The following CNTN5 variants were observed in gnomAD, a reference collection of about 807,000 sequenced individuals.
The protein encoded by CNTN5 is contactin-5.
CNTN5 carries 77 observed loss-of-function variants against 129.1 expected under a neutral mutation model. That is an observed-to-expected ratio of 0.60 (90% CI 0.50 to 0.72). The LOEUF is 0.72. Ranked by LOEUF, CNTN5 falls within the 30% of genes least tolerant of loss-of-function variation. The probability of loss-of-function intolerance (pLI) is 0.00; values close to 1 mark genes in which losing one functional copy is unlikely to be tolerated. For missense variants in CNTN5, 1,478 were observed against 1,328.8 expected (o/e 1.11, Z -1.75); for synonymous variants, 509 against 465.6 (o/e 1.09, Z -1.20).
At chr11:100,214,344 T>A (rs73000873) in intron 15 of CNTN5, among the ~76,000 whole-genome samples, 1 of 152,218 alleles carries the variant, frequency 6.6e-6, no homozygotes, top group South Asian at 2.1e-4. Flanking sequence ...AGGAGCAAAA[T>A]GGAGCTAGTC....
chr11:100,072,657 AG>A (rs1319432927), intron 12 of CNTN5, among the ~76,000 whole-genome samples: 2 of 152,196 alleles, frequency 1.3e-5, no homozygotes, highest in African/African-American at 4.8e-5. Flanking sequence ...GAAACACCAA[AG>A]ATCTCAGGAA....
chr11:99,293,198 C>A (rs1245423210), intron 1 of CNTN5, among the ~76,000 whole-genome samples: 1 of 152,002 alleles, frequency 6.6e-6, no homozygotes, highest in Non-Finnish European at 1.5e-5. Flanking sequence ...CGATTTTTAT[C>A]CTTGATTCTG....
At chr11:99,911,241 C>G (rs541773342) in intron 6 of CNTN5, among the ~76,000 whole-genome samples, 1 of 152,058 alleles carries the variant, frequency 6.6e-6, no homozygotes, top group African/African-American at 2.4e-5. Flanking sequence ...GTTCACAGCA[C>G]TTTTAGAGAA....
chr11:99,964,518 G>A (rs865914309), intron 8 of CNTN5, among the ~76,000 whole-genome samples: 21 of 152,140 alleles, frequency 1.4e-4, no homozygotes, highest in Admixed American at 5.2e-4. Flanking sequence ...CCACTTGATA[G>A]TGGTGGATAA....
intron 2 of CNTN5, among the ~76,000 whole-genome samples, chr11:99,454,594 C>T (rs1333316392): frequency 2.6e-5 from 4 of 152,132 alleles, no homozygotes; most frequent in East Asian, 1.9e-4. Context: ...TATAGCCCCT[C>T]CTCATGATTG....
intron 1 of CNTN5, among the ~76,000 whole-genome samples, chr11:99,299,803 C>A (rs1009345794): frequency 3.3e-5 from 5 of 152,068 alleles, no homozygotes; most frequent in African/African-American, 1.2e-4. Flanking sequence ...ATCCAATCAC[C>A]TGTTTAGGGA....
In CNTN5 at chr11:99,248,479, T is replaced by C. The variant is rs867955852; in HGVS notation, c.-209-76867T>C. On this transcript the variant is annotated intron_variant, in intron 1 of 24. Coordinates refer to ENST00000524871, the MANE Select transcript of CNTN5 (RefSeq NM_014361.4). ...CTCTTTAGTTTAATTAGATCCCATT[T>C]GTCAATTTTGGCTTTTGTTGCCATT... Among the ~76,000 whole-genome samples, 986 of 152,258 alleles carry C rather than the reference T, an allele frequency of 6.5e-3. 15 individuals are homozygous for C. The highest frequency in any genetic ancestry group is 0.023 in the African/African-American group (946 of 41,546).
At chr11:99,799,279 A>T (rs531698690) in intron 3 of CNTN5, among the ~76,000 whole-genome samples, 1 of 151,408 alleles carries the variant, frequency 6.6e-6, no homozygotes, top group East Asian at 2.0e-4. Context: ...CACTTCCAGT[A>T]TTATGTTAAA....
intron 20 of CNTN5, among the ~76,000 whole-genome samples, chr11:100,307,376 C>T (rs946282944): frequency 1.3e-5 from 2 of 151,678 alleles, no homozygotes; most frequent in African/African-American, 4.8e-5. Context: ...CTTTATTCTG[C>T]CATTTCATTT....
At chr11:99,878,782 G>C (rs1948698377) in intron 6 of CNTN5, among the ~76,000 whole-genome samples, 1 of 152,094 alleles carries the variant, frequency 6.6e-6, no homozygotes. Context: ...TTGAACCCCG[G>C]AGGCAGAGGT....
At chr11:99,454,566 A>C (rs1477175926) in intron 2 of CNTN5, among the ~76,000 whole-genome samples, 6 of 152,102 alleles carry the variant, frequency 3.9e-5, no homozygotes, top group African/African-American at 1.4e-4. Flanking sequence ...TCAGTAGTCC[A>C]ACGCTTTACC....
chr11:99,062,388 A>G (rs1213022488), intron 1 of CNTN5, among the ~76,000 whole-genome samples: 1 of 152,146 alleles, frequency 6.6e-6, no homozygotes, highest in African/African-American at 2.4e-5. Context: ...ATTTCTATGT[A>G]TCAGCAAATA....
intron 8 of CNTN5, among the ~76,000 whole-genome samples, chr11:99,965,867 A>G (rs1460211158): frequency 5.3e-5 from 8 of 152,192 alleles, no homozygotes. Context: ...TTCAAAAAAT[A>G]TGATTGAAAA....
At chr11:100,289,045 A>C (rs1408106754) in intron 18 of CNTN5, among the ~76,000 whole-genome samples, 2 of 152,180 alleles carry the variant, frequency 1.3e-5, no homozygotes, top group East Asian at 1.9e-4. Context: ...TACACTCTCC[A>C]AAGACTAAGC....
intron 2 of CNTN5, among the ~76,000 whole-genome samples, chr11:99,338,293 T>C (rs1866330953): frequency 6.6e-6 from 1 of 152,214 alleles, no homozygotes; most frequent in Non-Finnish European, 1.5e-5. Context: ...TTTTCTTTCA[T>C]AAAACTGCTT....
intron 3 of CNTN5, among the ~76,000 whole-genome samples, chr11:99,791,112 GTT>G (rs35865644): frequency 1.7e-4 from 26 of 149,234 alleles, no homozygotes; most frequent in South Asian, 1.7e-3. Flanking sequence ...TTTGTTGATA[GTT>G]TTTTTTTTTC....
intron 1 of CNTN5, among the ~76,000 whole-genome samples, chr11:99,247,529 T>C (rs1861873719): frequency 6.6e-6 from 1 of 152,096 alleles, no homozygotes; most frequent in Non-Finnish European, 1.5e-5. Flanking sequence ...GTTACATATG[T>C]ATACATGTGC....
intron 4 of CNTN5, 72 bp from the exon 5 acceptor site, chr11:99,844,780 T>C (rs767794202): frequency 6.2e-6 from 9 of 1,444,748 alleles, no homozygotes; most frequent in South Asian, 1.3e-5. Context: ...ATAAGTAAGA[T>C]GGAAAAGAAA....
chr11:99,761,054 T>A (rs189824104), intron 3 of CNTN5, among the ~76,000 whole-genome samples: 270 of 152,248 alleles, frequency 1.8e-3, no homozygotes, highest in Admixed American at 4.8e-3. Flanking sequence ...TGATGAAAGA[T>A]AAGTTAAAAA....
Sources: gnomAD v4.1 joint callset for allele counts (sites outside exome capture counted in the v4.1 genomes callset) on GRCh38, gnomAD v4.1.1 for gene constraint, MANE v1.5 for transcripts, NCBI Gene and HGNC (gene_info 2026-07-23, HGNC 2026-07-21) for gene names.